The following L3MBTL4 variants were observed in gnomAD, a reference collection of about 807,000 sequenced individuals.
The protein encoded by L3MBTL4 is L3MBTL histone methyl-lysine binding protein 4, also known as lethal(3)malignant brain tumor-like protein 4.
L3MBTL4 carries 70 observed loss-of-function variants against 84.5 expected under a neutral mutation model. That is an observed-to-expected ratio of 0.83 (90% CI 0.68 to 1.01). The LOEUF (loss-of-function observed/expected upper bound fraction) is 1.01. Among genes scored for constraint, L3MBTL4 ranks in the 50% least tolerant of loss-of-function variants. The pLI is 0.00. For synonymous variants in L3MBTL4, 274 were observed against 259.8 expected (o/e 1.05, Z -0.52); for missense variants, 715 against 754.8 (o/e 0.95, Z 0.62).
chr18:6,312,594 C>T (rs926650101), intron 1 of L3MBTL4, among the ~76,000 whole-genome samples: 19 of 152,202 alleles, frequency 1.2e-4, no homozygotes, highest in Non-Finnish European at 2.5e-4. Flanking sequence ...TCTACACCCA[C>T]GGTTCACCTG....
chr18:6,185,257 G>T (rs774828564), intron 12 of L3MBTL4, among the ~76,000 whole-genome samples: 2 of 152,208 alleles, frequency 1.3e-5, no homozygotes, highest in Non-Finnish European at 2.9e-5. Context: ...GCTGACACGT[G>T]CTGACAAAGA....
rs571775163 is a variant in L3MBTL4, at chr18:6,177,290, A to T, written c.982-5348T>A. On this transcript the variant is annotated intron_variant, in intron 12 of 18. Transcript: ENST00000317931. ...ATAAAACGAATGCTAGTTCAGCAAT[A>T]AAAAGGGATAAACTGTTTACACATG... Among the ~76,000 whole-genome samples the T allele has an allele frequency of 3.9e-5, 6 of 152,348 alleles. No individual in the cohort carries two copies. In the South Asian group the frequency reaches 1.2e-3, roughly 32 times the overall value.
chr18:6,097,577 C>T (rs1396968308), intron 14 of L3MBTL4, among the ~76,000 whole-genome samples: 3 of 152,146 alleles, frequency 2.0e-5, no homozygotes, highest in African/African-American at 7.2e-5. Context: ...TCCCTGTATT[C>T]CCAGGACTTA....
chr18:6,263,671 C>A (rs1025454702), intron 5 of L3MBTL4, among the ~76,000 whole-genome samples: 1 of 152,162 alleles, frequency 6.6e-6, no homozygotes, highest in African/African-American at 2.4e-5. Context: ...AGTCCTCCAA[C>A]CACCCAAGGA....
intron 1 of L3MBTL4, among the ~76,000 whole-genome samples, chr18:6,379,865 T>G (rs946024432): frequency 6.6e-6 from 1 of 152,246 alleles, no homozygotes; most frequent in African/African-American, 2.4e-5. Context: ...TCTTTTTCTA[T>G]TGATTGGAAT....
At chr18:6,036,457 T>C (rs1682338246) in intron 16 of L3MBTL4, among the ~76,000 whole-genome samples, 1 of 152,174 alleles carries the variant, frequency 6.6e-6, no homozygotes. Context: ...AATTTCTTTT[T>C]GGTTTCTTTT....
At chr18:6,060,819 T>C (rs1180397503) in intron 16 of L3MBTL4, among the ~76,000 whole-genome samples, 1 of 152,138 alleles carries the variant, frequency 6.6e-6, no homozygotes, top group African/African-American at 2.4e-5. Flanking sequence ...GGCTCCTTCA[T>C]GTCTTTTTGG....
intron 5 of L3MBTL4, among the ~76,000 whole-genome samples, chr18:6,248,703 T>C (rs1420146789): frequency 6.6e-6 from 1 of 152,200 alleles, no homozygotes; most frequent in African/African-American, 2.4e-5. Context: ...TACATGCTCT[T>C]TTGCACGTGG....
At chr18:6,221,290 C>A (rs2046539984) in intron 10 of L3MBTL4, among the ~76,000 whole-genome samples, 1 of 151,522 alleles carries the variant, frequency 6.6e-6, no homozygotes, top group Non-Finnish European at 1.5e-5. Flanking sequence ...ATTCAGGAAA[C>A]AAAATCATTG....
chr18:6,138,153 T>G (rs192650897), intron 14 of L3MBTL4, 41 bp downstream of exon 14: 240 of 1,366,548 alleles, frequency 1.8e-4, no homozygotes, highest in Non-Finnish European at 2.2e-4. Context: ...GCAGAATGTT[T>G]CCATTCATCC....
chr18:6,155,625 A>G (rs1369469362), intron 13 of L3MBTL4, among the ~76,000 whole-genome samples: 1 of 152,206 alleles, frequency 6.6e-6, no homozygotes, highest in Non-Finnish European at 1.5e-5. Flanking sequence ...ACAAATTCCA[A>G]TTTTTACTCT....
At chr18:6,217,456 A>T (rs546434791) in intron 10 of L3MBTL4, among the ~76,000 whole-genome samples, 1 of 152,206 alleles carries the variant, frequency 6.6e-6, no homozygotes, top group Non-Finnish European at 1.5e-5. Flanking sequence ...TTGCCTTCAG[A>T]ACATTCATTT....
At chr18:6,278,663 T>C (rs2049189813) in intron 4 of L3MBTL4, among the ~76,000 whole-genome samples, 1 of 152,210 alleles carries the variant, frequency 6.6e-6, no homozygotes, top group Admixed American at 6.5e-5. Context: ...AATTATCTGT[T>C]CTTTTAAAGA....
intron 5 of L3MBTL4, among the ~76,000 whole-genome samples, chr18:6,254,152 T>C (rs2048039203): frequency 6.6e-6 from 1 of 152,174 alleles, no homozygotes; most frequent in Non-Finnish European, 1.5e-5. Flanking sequence ...TATTATTCCC[T>C]AAGGATACCC....
At chr18:5,972,830 G>T (rs890757006) in intron 16 of L3MBTL4, among the ~76,000 whole-genome samples, 1 of 151,488 alleles carries the variant, frequency 6.6e-6, no homozygotes, top group Admixed American at 6.6e-5. Flanking sequence ...CTAAAATGGG[G>T]TAATAGGAGG....
intron 1 of L3MBTL4, among the ~76,000 whole-genome samples, chr18:6,355,826 T>C (rs2053418208): frequency 1.4e-5 from 2 of 145,604 alleles, no homozygotes; most frequent in Non-Finnish European, 3.0e-5. Flanking sequence ...TGAATTACTT[T>C]TCTCATTCAA....
intron 1 of L3MBTL4, among the ~76,000 whole-genome samples, chr18:6,403,732 A>C (rs1382641677): frequency 3.3e-5 from 5 of 152,236 alleles, no homozygotes; most frequent in African/African-American, 1.2e-4. Flanking sequence ...TTGATCCAGC[A>C]ATCCCACTAC....
At chr18:6,105,656 CAGG>C (rs1375607693) in intron 14 of L3MBTL4, among the ~76,000 whole-genome samples, 1 of 151,674 alleles carries the variant, frequency 6.6e-6, no homozygotes, top group African/African-American at 2.4e-5. Context: ...AAAAATTAGC[CAGG>C]AGTGATGGCG....
intron 1 of L3MBTL4, chr18:6,367,637 T>C (rs2053991399): frequency 6.6e-6 from 1 of 152,374 alleles, no homozygotes; most frequent in Admixed American, 6.5e-5. Flanking sequence ...AGCTTGTGCA[T>C]GTTCCTCAGA....
Sources: allele counts gnomAD v4.1 joint callset (sites outside exome capture counted in the v4.1 genomes callset), GRCh38; gene constraint gnomAD v4.1.1; transcripts MANE v1.5; gene names NCBI Gene and HGNC (gene_info 2026-07-23, HGNC 2026-07-21).